The following FYCO1 variants were observed in gnomAD, a reference collection of about 807,000 sequenced individuals.
FYCO1 encodes FYVE and coiled-coil domain-containing protein 1.
A neutral mutation model predicts 165.1 loss-of-function variants in FYCO1; 122 were observed. The ratio of observed to expected loss-of-function variants is 0.74; its 90% CI spans 0.64 to 0.86. The LOEUF (loss-of-function observed/expected upper bound fraction) is 0.86. Among genes scored for constraint, FYCO1 ranks in the 40% least tolerant of loss-of-function variants. FYCO1 has a pLI of 0.00. For missense variants in FYCO1, 1,702 were observed against 1,810.3 expected, an observed-to-expected ratio of 0.94 and a Z score of 1.09; for synonymous variants, 648 against 742.5, an observed-to-expected ratio of 0.87 and a Z score of 2.07.
At chr3:45,931,485 G>A (rs986421859) in intron 15 of FYCO1, among the ~76,000 whole-genome samples, 1 of 152,188 alleles carries the variant, frequency 6.6e-6, no homozygotes, top group African/African-American at 2.4e-5. Context: ...TACATGCCTG[G>A]CATAGGTCTA....
At chr3:45,923,581 G>T in intron 17 of FYCO1, 75 bp downstream of exon 17, 3 of 901,488 alleles carry the variant, frequency 3.3e-6, no homozygotes, top group Non-Finnish European at 5.7e-6. Context: ...TTGGTTTTGA[G>T]TGTCCACCTC....
At position 45,965,111 on chromosome 3, in the gene FYCO1, C is replaced by G. The variant is rs200010750; in HGVS notation, c.3072G>C (p.Glu1024Asp). ...CAAGCTGGCCCCTGAGGCTCTTGCACTCTTCACCAGCATTCTAGAGAGGAC... is the reference window on the plus strand; with the variant it reads ...CAAGCTGGCCCCTGAGGCTCTTGCAGTCTTCACCAGCATTCTAGAGAGGAC... ...YQSRLKNAGEECKSLRGQLEE... is the reference protein window; with the variant it reads ...YQSRLKNAGEDCKSLRGQLEE... Residue 1024 changes from glutamate (E) to aspartate (D), a missense_variant, in exon 9 of 18, where the codon GAG becomes GAC. Glu to Asp is a conservative substitution (Grantham distance 45). Coordinates refer to ENST00000296137, the MANE Select transcript of FYCO1 (RefSeq NM_024513.4). 645 of 1,613,894 alleles carry G rather than the reference C, an allele frequency of 4.0e-4. 4 individuals carry two copies. The highest frequency in any genetic ancestry group is 3.2e-5 in the Non-Finnish European group (38 of 1,179,882).
intron 16 of FYCO1, among the ~76,000 whole-genome samples, chr3:45,928,597 G>C (rs182598464): frequency 7.9e-5 from 12 of 152,286 alleles, no homozygotes; most frequent in Non-Finnish European, 1.8e-4. Flanking sequence ...CTGGCCTTCT[G>C]CTGTGCTATT....
Position 45,964,424 on chromosome 3 carries a change from T to G in FYCO1, c.3181A>C (p.Ser1061Arg), listed in dbSNP as rs1223302969. 1 of 1,614,044 alleles carries G rather than the reference T, an allele frequency of 6.2e-7. No individual in the cohort carries two copies. Among genetic ancestry groups the G allele is most frequent in the Non-Finnish European group, 8.5e-7 (1 of 1,179,918 alleles). ...TCTGCAAGATGGTTGCTAGTGCAGC[T>G]CAGCTTCTCTCCCATGTCTGCTTGG... ...ATQADMGEKL[S>R]CTSNHLAECQ... The change falls in exon 10 of 18, where the codon AGC becomes CGC. Residue 1061 changes from serine to arginine, a missense_variant. Coordinates refer to ENST00000296137, the MANE Select transcript of FYCO1 (RefSeq NM_024513.4). This position sits in a 1 kb window ranked among gnomAD's most constrained non-coding sequence, Gnocchi z 4.1.
chr3:45,978,862 T>G (rs1706897039), intron 4 of FYCO1, among the ~76,000 whole-genome samples: 1 of 150,932 alleles, frequency 6.6e-6, no homozygotes, highest in South Asian at 2.1e-4. Flanking sequence ...TCTGGAGTTT[T>G]TTTTTTTTTT....
intron 14 of FYCO1, chr3:45,946,628 C>T (rs1384106462): frequency 1.2e-6 from 2 of 1,614,200 alleles, no homozygotes; most frequent in East Asian, 2.2e-5. Context: ...TGGTGGGGAA[C>T]TCTCTGGTGC....
rs564847979 is a variant in FYCO1, at chr3:45,964,184, C to CA, written c.3269+151dup. On this transcript the variant is annotated intron_variant, in intron 10 of 17. Coordinates refer to ENST00000296137, the MANE Select transcript of FYCO1 (RefSeq NM_024513.4). This position sits in a 1 kb window ranked among gnomAD's most constrained non-coding sequence, Gnocchi z 4.1. ...GGGCAGGCAACCAGGTTCTCTGTGGCATGCTTCCAGCAGAAGCACTTTCTG... is the reference window on the plus strand; with the variant it reads ...GGGCAGGCAACCAGGTTCTCTGTGGCAATGCTTCCAGCAGAAGCACTTTCTG... 43 of 715,142 alleles carry CA rather than the reference C, an allele frequency of 6.0e-5. No individual in the cohort carries two copies. Among genetic ancestry groups the CA allele is most frequent in the Non-Finnish European group, 1.0e-4 (40 of 394,768 alleles). The allele number at this position is 715,142 out of a possible 1,614,324, so 44.3% of individuals were successfully genotyped here. A position where few individuals can be genotyped will look rare whatever the true frequency, so the allele number is the denominator to read the frequency against.
In FYCO1 at chr3:45,962,487, G is replaced by T; in HGVS notation, c.3270-95C>A. On this transcript the variant is annotated intron_variant, in intron 10 of 17. Coordinates refer to ENST00000296137, the MANE Select transcript of FYCO1 (RefSeq NM_024513.4). The surrounding 1 kb of genome is among the most constrained non-coding windows in gnomAD (Gnocchi z 4.4). Reference sequence around the variant, plus strand: ...CAGGACTCTAATGAGGGGTGCTACTGCCCTCCGCCATGGGGGAGCCCCTTG... The same window carrying T: ...CAGGACTCTAATGAGGGGTGCTACTTCCCTCCGCCATGGGGGAGCCCCTTG... 1 of 1,128,334 alleles carries T rather than the reference G, an allele frequency of 8.9e-7. No individual in the cohort carries two copies. Among genetic ancestry groups the T allele is most frequent in the Non-Finnish European group, 1.4e-6 (1 of 738,878 alleles). The allele number at this position is 1,128,334 out of a possible 1,614,324, so 69.9% of individuals were successfully genotyped here. A position where few individuals can be genotyped will look rare whatever the true frequency, so the allele number is the denominator to read the frequency against.
chr3:45,970,854 T>C (rs1339090153), intron 6 of FYCO1, among the ~76,000 whole-genome samples: 1 of 151,886 alleles, frequency 6.6e-6, no homozygotes, highest in African/African-American at 2.4e-5. Flanking sequence ...TCAACATGTG[T>C]AAAATTTTAA....
intron 15 of FYCO1, among the ~76,000 whole-genome samples, chr3:45,935,107 G>A (rs1016422378): frequency 1.3e-5 from 2 of 152,050 alleles, no homozygotes; most frequent in African/African-American, 4.8e-5. Context: ...ATTCTCTCAC[G>A]ACCACATCTA....
intron 4 of FYCO1, among the ~76,000 whole-genome samples, chr3:45,978,267 T>C (rs1323346500): frequency 2.6e-5 from 4 of 152,182 alleles, no homozygotes; most frequent in Non-Finnish European, 4.4e-5. Flanking sequence ...GGCTGAGGAA[T>C]GAAGAGAGGA....
chr3:45,972,025 T>A (rs1040278492), intron 6 of FYCO1, among the ~76,000 whole-genome samples: 5 of 152,158 alleles, frequency 3.3e-5, no homozygotes, highest in African/African-American at 1.2e-4. Flanking sequence ...AATCAACATG[T>A]AAATAGAAAA....
chr3:45,933,054 G>A (rs1703708356), intron 15 of FYCO1, among the ~76,000 whole-genome samples: 2 of 152,114 alleles, frequency 1.3e-5, no homozygotes, highest in African/African-American at 4.8e-5. Flanking sequence ...ATCTAGTCTA[G>A]ACATCATCTA....
intron 14 of FYCO1, among the ~76,000 whole-genome samples, chr3:45,941,693 T>G (rs889174512): frequency 6.6e-5 from 10 of 152,202 alleles, no homozygotes; most frequent in African/African-American, 2.4e-4. Flanking sequence ...CATATTGACA[T>G]GTACACACAG....
chr3:45,960,250 T>C (rs1457457939), intron 11 of FYCO1, among the ~76,000 whole-genome samples: 1 of 152,222 alleles, frequency 6.6e-6, no homozygotes, highest in African/African-American at 2.4e-5. Context: ...CTTTCTCGTA[T>C]GGAGCCCCAG....
rs1167252016 is a variant in FYCO1, at chr3:45,966,887, G to A, written c.2447C>T (p.Ala816Val). 1 of 1,613,482 alleles carries A rather than the reference G, an allele frequency of 6.2e-7. No individual in the cohort carries two copies. Among genetic ancestry groups the A allele is most frequent in the Admixed American group, 1.7e-5 (1 of 60,032 alleles). Residue 816 changes from alanine to valine, a missense_variant, in exon 8 of 18, where the codon GCT (alanine) becomes GTT (valine). Ala to Val is a moderately conservative substitution (Grantham distance 64). Coordinates refer to ENST00000296137, the MANE Select transcript of FYCO1 (RefSeq NM_024513.4). The stretch of plus-strand genomic sequence containing the variant: ...TTTGTGCTCCCTCAGGACGGCCTCA[G>A]CCATGCTTAGCTGGCTCTGCACCTT... ...QDKVQSQLSM[A>V]EAVLREHKTL...
At chr3:45,959,103 A>G (rs1705538565) in intron 12 of FYCO1, among the ~76,000 whole-genome samples, 1 of 152,182 alleles carries the variant, frequency 6.6e-6, no homozygotes. Context: ...TGGTCCCTAT[A>G]GGAATGGTAG....
At chr3:45,963,111 T>C (rs986425596) in intron 10 of FYCO1, among the ~76,000 whole-genome samples, 5 of 152,032 alleles carry the variant, frequency 3.3e-5, no homozygotes, top group African/African-American at 1.2e-4. Flanking sequence ...GAGAGACTGA[T>C]TACTTTACAC....
At position 45,951,640 on chromosome 3, in the gene FYCO1, A is replaced by G. The variant is rs558986727; in HGVS notation, c.3944+3609T>C. Among the ~76,000 whole-genome samples the G allele has an allele frequency of 6.0e-5, 9 of 148,808 alleles. No individual in the cohort carries two copies. In the South Asian group the frequency reaches 1.9e-3, roughly 32 times the overall value. On this transcript the variant is annotated intron_variant, in intron 14 of 17. Coordinates refer to ENST00000296137, the MANE Select transcript of FYCO1 (RefSeq NM_024513.4). Reference sequence around the variant, plus strand: ...GACACCTGGTCAGTGTAGATGGTGGAGGGTGGGCCTGAATGACTGAAAAGG... The same window carrying G: ...GACACCTGGTCAGTGTAGATGGTGGGGGGTGGGCCTGAATGACTGAAAAGG...
Sources: gnomAD v4.1 joint callset for allele counts (sites outside exome capture counted in the v4.1 genomes callset) on GRCh38, gnomAD v4.1.1 for gene constraint, Gnocchi (gnomAD v3.1) non-coding constraint, MANE v1.5 for transcripts, NCBI Gene and HGNC (gene_info 2026-07-23, HGNC 2026-07-21) for gene names.